LINGO2: variants seen among roughly 807,000 people sequenced by gnomAD.
The protein encoded by LINGO2 is leucine-rich repeat and immunoglobulin-like domain-containing nogo receptor-interacting protein 2.
A neutral mutation model predicts 30.6 loss-of-function variants in LINGO2; 14 were observed. The ratio of observed to expected loss-of-function variants is 0.46; its 90% confidence interval spans 0.30 to 0.72. The LOEUF (loss-of-function observed/expected upper bound fraction) is 0.72, where lower values mean the gene tolerates loss of function less well. Among genes scored for constraint, LINGO2 ranks in the 30% least tolerant of loss-of-function variants. LINGO2 has a pLI of 0.07. For synonymous variants in LINGO2, 317 were observed against 288.5 expected (o/e 1.10, Z -1.00); for missense variants, 729 against 751.7 (o/e 0.97, Z 0.35).
chr9:28,219,903 A>G (rs1820897268), intron 4 of LINGO2, among the ~76,000 whole-genome samples: 1 of 152,174 alleles, frequency 6.6e-6, no homozygotes, highest in African/African-American at 2.4e-5. Flanking sequence ...CATGAGATCT[A>G]TATATGCTGA....
chr9:29,013,286 C>A, the LINGO2 span, among the ~76,000 whole-genome samples: 1 of 152,134 alleles, frequency 6.6e-6, no homozygotes, highest in East Asian at 1.9e-4. Flanking sequence ...CTAAATGGCA[C>A]CCCAGTGAGT....
At chr9:28,833,620 T>C in the LINGO2 span, among the ~76,000 whole-genome samples, 1 of 152,136 alleles carries the variant, frequency 6.6e-6, no homozygotes, top group African/African-American at 2.4e-5. Flanking sequence ...CAAGTAGAAG[T>C]GTGTAGCTTC....
At chr9:28,653,796 C>T (rs1206346128) in intron 1 of LINGO2, among the ~76,000 whole-genome samples, 8 of 152,000 alleles carry the variant, frequency 5.3e-5, no homozygotes, top group Non-Finnish European at 1.2e-4. Context: ...TCTCTCTTTT[C>T]ATTCATCAGG....
chr9:28,614,776 A>T (rs1401959097), intron 1 of LINGO2, among the ~76,000 whole-genome samples: 1 of 152,150 alleles, frequency 6.6e-6, no homozygotes, highest in Non-Finnish European at 1.5e-5. Flanking sequence ...CCTGCTTCTC[A>T]TATTATAACC....
chr9:28,011,660 T>C (rs1301522756), intron 5 of LINGO2, among the ~76,000 whole-genome samples: 4 of 152,184 alleles, frequency 2.6e-5, no homozygotes, highest in East Asian at 3.9e-4. Flanking sequence ...TTGATATATA[T>C]ATTAGTTAGA....
intron 2 of LINGO2, among the ~76,000 whole-genome samples, chr9:28,408,435 G>C (rs1298168130): frequency 3.3e-5 from 5 of 152,050 alleles, no homozygotes; most frequent in African/African-American, 9.7e-5. Context: ...AGGGAACTCA[G>C]GACCAGGGAT....
the LINGO2 span, among the ~76,000 whole-genome samples, chr9:29,154,221 G>A: frequency 4.1e-3 from 627 of 152,078 alleles, 3 homozygotes; most frequent in African/African-American, 0.014. Flanking sequence ...CAAGAAAGGC[G>A]GATCACAAGA....
chr9:28,104,928 T>C (rs1383503890), intron 4 of LINGO2, among the ~76,000 whole-genome samples: 1 of 152,088 alleles, frequency 6.6e-6, no homozygotes, highest in African/African-American at 2.4e-5. Context: ...ATGAATGTGC[T>C]AACAAGAGAG....
chr9:28,887,649 C>T, the LINGO2 span, among the ~76,000 whole-genome samples: 1 of 152,056 alleles, frequency 6.6e-6, no homozygotes, highest in South Asian at 2.1e-4. Context: ...CCACATCCAG[C>T]AGTGTGATCA....
At chr9:28,518,186 G>C (rs1820699445) in intron 1 of LINGO2, among the ~76,000 whole-genome samples, 1 of 152,126 alleles carries the variant, frequency 6.6e-6, no homozygotes, top group African/African-American at 2.4e-5. Context: ...TTAAAAATGA[G>C]AAAATGAACC....
chr9:29,061,608 G>T, the LINGO2 span, among the ~76,000 whole-genome samples: 1 of 151,964 alleles, frequency 6.6e-6, no homozygotes, highest in African/African-American at 2.4e-5. Flanking sequence ...CAAAAATGAT[G>T]CGCGAGAACT....
chr9:28,374,533 T>C lies in LINGO2; in HGVS notation c.-278-1665A>G, dbSNP rs1821045419. On this transcript the variant is annotated intron_variant, in intron 2 of 5. Transcript: ENST00000379992. Reference sequence around the variant, plus strand: ...TTATTAGGTGGGTCCCTAGATAAAATGGGAAGCAGACCTCCAATAACTCCT... The same window carrying C: ...TTATTAGGTGGGTCCCTAGATAAAACGGGAAGCAGACCTCCAATAACTCCT... Among the ~76,000 whole-genome samples the C allele has an allele frequency of 2.6e-5, 4 of 152,142 alleles. No individual in the cohort carries two copies. The South Asian group carries it at 8.3e-4, about 32-fold the overall frequency.
the LINGO2 span, among the ~76,000 whole-genome samples, chr9:29,140,652 CAG>C: frequency 6.6e-6 from 1 of 151,594 alleles, no homozygotes; most frequent in Non-Finnish European, 1.5e-5. Context: ...GGGAAGGAAA[CAG>C]ACATCAGAAT....
At chr9:28,213,850 C>T (rs1456006690) in intron 4 of LINGO2, among the ~76,000 whole-genome samples, 2 of 151,272 alleles carry the variant, frequency 1.3e-5, no homozygotes, top group South Asian at 2.1e-4. Flanking sequence ...TGAATTTGCT[C>T]GATGGAAAAA....
At chr9:28,428,071 A>G (rs1823486113) in intron 2 of LINGO2, among the ~76,000 whole-genome samples, 1 of 152,138 alleles carries the variant, frequency 6.6e-6, no homozygotes, top group Non-Finnish European at 1.5e-5. Context: ...ATCTTCGATC[A>G]TTTCCCCAGG....
chr9:29,145,929 G>A, the LINGO2 span, among the ~76,000 whole-genome samples: 1 of 152,080 alleles, frequency 6.6e-6, no homozygotes. Flanking sequence ...AGTTATATAT[G>A]TGTATGTATA....
At chr9:28,560,064 C>T (rs1822964767) in intron 1 of LINGO2, among the ~76,000 whole-genome samples, 1 of 143,196 alleles carries the variant, frequency 7.0e-6, no homozygotes, top group South Asian at 2.2e-4. Context: ...CCAAGTTAAG[C>T]AGCTTATATT....
intron 4 of LINGO2, among the ~76,000 whole-genome samples, chr9:28,218,956 G>A (rs1033591368): frequency 1.3e-5 from 2 of 152,138 alleles, no homozygotes; most frequent in South Asian, 2.1e-4. Context: ...TAATTTGCAC[G>A]TTAGCTTGGA....
At chr9:28,265,241 T>A (rs1455385357) in intron 4 of LINGO2, among the ~76,000 whole-genome samples, 2 of 151,890 alleles carry the variant, frequency 1.3e-5, no homozygotes, top group Non-Finnish European at 1.5e-5. Context: ...CCCTGATGGA[T>A]ACATCACCTC....
Sources: gnomAD v4.1 joint callset for allele counts (sites outside exome capture counted in the v4.1 genomes callset) on GRCh38, gnomAD v4.1.1 for gene constraint, MANE v1.5 for transcripts, NCBI Gene and HGNC (gene_info 2026-07-23, HGNC 2026-07-21) for gene names.